The following TTLL11 variants were observed in gnomAD, a reference collection of about 807,000 sequenced individuals.
TTLL11 encodes the protein tubulin polyglutamylase TTLL11.
In TTLL11, 42 loss-of-function variants were observed where a neutral mutation model predicts 51.7. The observed-to-expected ratio is 0.81, with a 90% CI of 0.64 to 1.05. The LOEUF (loss-of-function observed/expected upper bound fraction) is 1.05, where lower values mean the gene tolerates loss of function less well. Ranked by LOEUF, TTLL11 falls within the 50% of genes least tolerant of loss-of-function variation. The probability of loss-of-function intolerance (pLI) is 0.00; values close to 1 mark genes in which losing one functional copy is unlikely to be tolerated. For synonymous variants in TTLL11, 381 were observed against 383.5 expected (o/e 0.99, Z 0.08); for missense variants, 799 against 940.4 (o/e 0.85, Z 1.97).
At chr9:122,048,270 G>C (rs1287646578) in intron 1 of TTLL11, among the ~76,000 whole-genome samples, 1 of 152,104 alleles carries the variant, frequency 6.6e-6, no homozygotes, top group Admixed American at 6.6e-5. Flanking sequence ...AGCCTCAAGT[G>C]ATCCTCCCGC....
intron 6 of TTLL11, among the ~76,000 whole-genome samples, chr9:121,872,585 A>T (rs575628378): frequency 6.6e-6 from 1 of 152,220 alleles, no homozygotes; most frequent in African/African-American, 2.4e-5. Flanking sequence ...GCGAAACAAC[A>T]TGCGTGATAG....
At chr9:121,927,436 A>T (rs1286279727) in intron 6 of TTLL11, among the ~76,000 whole-genome samples, 2 of 152,178 alleles carry the variant, frequency 1.3e-5, no homozygotes, top group Admixed American at 1.3e-4. Context: ...ATCCTCTATA[A>T]ACACCCTCTC....
chr9:122,089,956 TTA>T (rs1846216300), intron 1 of TTLL11, among the ~76,000 whole-genome samples: 1 of 152,128 alleles, frequency 6.6e-6, no homozygotes, highest in Non-Finnish European at 1.5e-5. Flanking sequence ...ATTCAGTGAA[TTA>T]TGTTTTAAAA....
intron 6 of TTLL11, among the ~76,000 whole-genome samples, chr9:121,952,860 C>A (rs1841894580): frequency 6.6e-6 from 1 of 152,140 alleles, no homozygotes; most frequent in East Asian, 1.9e-4. Context: ...GCCCACAGAC[C>A]TGACGCATTC....
At chr9:122,065,128 A>T (rs968268147) in intron 1 of TTLL11, among the ~76,000 whole-genome samples, 1 of 152,222 alleles carries the variant, frequency 6.6e-6, no homozygotes, top group African/African-American at 2.4e-5. Flanking sequence ...CCTACTGGGA[A>T]ATCACATTTT....
intron 3 of TTLL11, among the ~76,000 whole-genome samples, chr9:122,026,217 T>C (rs1844331329): frequency 6.6e-6 from 1 of 151,990 alleles, no homozygotes; most frequent in Non-Finnish European, 1.5e-5. Context: ...GGCAGGCGGA[T>C]CACTTGAGGT....
intron 6 of TTLL11, among the ~76,000 whole-genome samples, chr9:121,967,646 G>C (rs1588162579): frequency 6.6e-6 from 1 of 152,230 alleles, no homozygotes; most frequent in South Asian, 2.1e-4. Context: ...TAGCAAAAAA[G>C]ATCCCCTCGC....
chr9:122,056,192 C>T (rs1845287226), intron 1 of TTLL11, among the ~76,000 whole-genome samples: 1 of 152,120 alleles, frequency 6.6e-6, no homozygotes, highest in Non-Finnish European at 1.5e-5. Flanking sequence ...CTCGGCTTTG[C>T]CCCCTCCAAA....
chr9:121,980,805 A>T (rs1403755931), intron 4 of TTLL11, among the ~76,000 whole-genome samples: 2 of 152,266 alleles, frequency 1.3e-5, no homozygotes, highest in African/African-American at 4.8e-5. Flanking sequence ...TGTGGCACAT[A>T]TACGCCATGG....
Position 121,819,849 on chromosome 9 carries a change from T to A in TTLL11, c.*2738A>T, listed in dbSNP as rs564323511. 6.6e-6 allele frequency among the ~76,000 whole-genome samples: 1 copy of A among 152,276 alleles called. No homozygotes were observed. The highest frequency in any genetic ancestry group is 1.9e-4 in the East Asian group (1 of 5,180). ...CCGATTACCAAAGGGGTAAACACAGTGGTGCTTCTTATTAGGAATGGAGGA... is the reference window on the plus strand; with the variant it reads ...CCGATTACCAAAGGGGTAAACACAGAGGTGCTTCTTATTAGGAATGGAGGA... On this transcript the variant is annotated 3_prime_UTR_variant, in exon 9 of 9. Coordinates refer to ENST00000321582, the MANE Select transcript of TTLL11 (RefSeq NM_001139442.2).
At chr9:121,863,210 G>T (rs1245749031) in intron 7 of TTLL11, among the ~76,000 whole-genome samples, 1 of 152,288 alleles carries the variant, frequency 6.6e-6, no homozygotes, top group Middle Eastern at 3.4e-3. Context: ...GGACGCGGAG[G>T]TTTTCACGTC....
intron 6 of TTLL11, among the ~76,000 whole-genome samples, chr9:121,920,757 C>G (rs942281796): frequency 6.6e-6 from 1 of 152,178 alleles, no homozygotes; most frequent in Non-Finnish European, 1.5e-5. Context: ...ACTCTATCCC[C>G]TGAGTTTATA....
chr9:121,895,792 CTGTGGATGTG>C (rs1564293242), intron 6 of TTLL11, among the ~76,000 whole-genome samples: 7 of 584 alleles, frequency 0.012, no homozygotes, highest in African/African-American at 0.022. Context: ...GTGTGTGTGT[CTGTGGATGTG>C]CGGGTGTTTT....
chr9:121,864,261 C>CTA (rs1838112154), intron 7 of TTLL11, among the ~76,000 whole-genome samples: 1 of 152,186 alleles, frequency 6.6e-6, no homozygotes. Flanking sequence ...TTCTCAGAGA[C>CTA]TATACGTGAT....
At chr9:122,077,782 T>C (rs13291585) in intron 1 of TTLL11, among the ~76,000 whole-genome samples, 29,708 of 145,264 alleles carry the variant, frequency 0.2, 3,318 homozygotes, top group Non-Finnish European at 0.24. Context: ...CAAGCATACA[T>C]GGAACATTTG....
chr9:121,876,939 T>C (rs1343441126), intron 6 of TTLL11, among the ~76,000 whole-genome samples: 1 of 152,160 alleles, frequency 6.6e-6, no homozygotes, highest in African/African-American at 2.4e-5. Context: ...TGAAAGAAAG[T>C]GAGACCTAAA....
chr9:121,967,198 C>T (rs1842421258), intron 6 of TTLL11, among the ~76,000 whole-genome samples: 1 of 139,800 alleles, frequency 7.2e-6, no homozygotes, highest in Admixed American at 7.4e-5. Flanking sequence ...GTCAGTGATG[C>T]TTCAGCGGGA....
intron 6 of TTLL11, among the ~76,000 whole-genome samples, chr9:121,880,393 T>C (rs1301359989): frequency 6.6e-6 from 1 of 152,146 alleles, no homozygotes; most frequent in Non-Finnish European, 1.5e-5. Context: ...CAGCCATCTT[T>C]CAAATTTAAG....
chr9:122,021,466 C>T (rs911091728), intron 3 of TTLL11, among the ~76,000 whole-genome samples: 5 of 152,106 alleles, frequency 3.3e-5, no homozygotes, highest in Admixed American at 2.0e-4. Context: ...CTGAAAAACA[C>T]CCCCAAAAAA....
Sources: allele counts gnomAD v4.1 joint callset (sites outside exome capture counted in the v4.1 genomes callset), GRCh38; gene constraint gnomAD v4.1.1; transcripts MANE v1.5; gene names NCBI Gene and HGNC (gene_info 2026-07-23, HGNC 2026-07-21).